EFCAB11: variants seen among roughly 807,000 people sequenced by gnomAD.
EFCAB11 encodes EF-hand calcium binding domain 11.
Under a neutral mutation model 23.0 loss-of-function variants are expected in EFCAB11, and 14 were observed. The observed-to-expected ratio is 0.61, with a 90% CI of 0.40 to 0.95. The LOEUF (loss-of-function observed/expected upper bound fraction) is 0.95, where lower values mean the gene tolerates loss of function less well. Ranked by LOEUF, EFCAB11 falls within the 40% of genes least tolerant of loss-of-function variation. The pLI is 0.00. For missense variants in EFCAB11, 198 were observed against 195.8 expected (o/e 1.01, Z -0.07); for synonymous variants, 65 against 66.6 (o/e 0.98, Z 0.11).
At chr14:89,896,307 G>A (rs1475894798) in intron 5 of EFCAB11, among the ~76,000 whole-genome samples, 1 of 152,138 alleles carries the variant, frequency 6.6e-6, no homozygotes, top group African/African-American at 2.4e-5. Context: ...GGAGAACGGC[G>A]TGAACCCGGG....
chr14:89,818,315 AAGACC>A (rs1356461788), intron 5 of EFCAB11, among the ~76,000 whole-genome samples: 1 of 152,188 alleles, frequency 6.6e-6, no homozygotes, highest in Non-Finnish European at 1.5e-5. Context: ...ACAAGTGAGA[AAGACC>A]AGAGTTGGCA....
At chr14:89,892,340 G>T (rs1447490002) in intron 5 of EFCAB11, 17 of 1,613,698 alleles carry the variant, frequency 1.1e-5, no homozygotes, top group Non-Finnish European at 1.4e-5. Context: ...GCAGCAGGGG[G>T]ACATCAAGCT....
At chr14:89,833,318 C>T (rs926731021) in intron 5 of EFCAB11, 1 of 152,202 alleles carries the variant, frequency 6.6e-6, no homozygotes, top group African/African-American at 2.4e-5. Flanking sequence ...CTGAGTAACA[C>T]AGTCTGAAGG....
chr14:89,812,926 A>G, intron 5 of EFCAB11, among the ~76,000 whole-genome samples: 1 of 152,232 alleles, frequency 6.6e-6, no homozygotes, highest in East Asian at 1.9e-4. Context: ...ATCTTTGCAC[A>G]TCAAAAATTA....
At chr14:89,920,112 T>C (rs1889975072) in intron 5 of EFCAB11, among the ~76,000 whole-genome samples, 2 of 152,370 alleles carry the variant, frequency 1.3e-5, no homozygotes, top group South Asian at 4.1e-4. Context: ...TTTGGTCTTG[T>C]GATATAATTC....
chr14:89,856,683 A>G (rs994601966), intron 5 of EFCAB11, among the ~76,000 whole-genome samples: 8 of 152,208 alleles, frequency 5.3e-5, no homozygotes, highest in Non-Finnish European at 1.2e-4. Flanking sequence ...CCTGATGATT[A>G]ATAATACTGG....
intron 5 of EFCAB11, among the ~76,000 whole-genome samples, chr14:89,838,661 G>C (rs1887161356): frequency 6.6e-6 from 1 of 152,178 alleles, no homozygotes. Context: ...AAATTGAGCA[G>C]ATTGGGAATA....
intron 5 of EFCAB11, among the ~76,000 whole-genome samples, chr14:89,867,058 C>T (rs1043734108): frequency 1.4e-4 from 21 of 152,260 alleles, no homozygotes; most frequent in Middle Eastern, 3.4e-3. Context: ...TGAGCCACTG[C>T]GCCTGGCCTG....
At chr14:89,877,948 G>GT (rs910188005) in intron 5 of EFCAB11, among the ~76,000 whole-genome samples, 27 of 152,292 alleles carry the variant, frequency 1.8e-4, no homozygotes, top group African/African-American at 5.3e-4. Flanking sequence ...GTAATGACAT[G>GT]TAAGTCCCAA....
At chr14:89,814,971 C>A (rs1458721807) in intron 5 of EFCAB11, among the ~76,000 whole-genome samples, 1 of 152,156 alleles carries the variant, frequency 6.6e-6, no homozygotes, top group Admixed American at 6.5e-5. Flanking sequence ...GCAAGCAGTA[C>A]CAAGAACAAG....
At chr14:89,838,056 C>T (rs535267423) in intron 5 of EFCAB11, among the ~76,000 whole-genome samples, 44 of 152,090 alleles carry the variant, frequency 2.9e-4, no homozygotes, top group Non-Finnish European at 5.3e-4. Flanking sequence ...ATTCATAGGC[C>T]TGGGGTTGAG....
chr14:89,908,393 A>G lies in EFCAB11; in HGVS notation c.410+23148T>C, dbSNP rs187331682. 3.2e-3 allele frequency among the ~76,000 whole-genome samples: 491 copies of G among 152,326 alleles called. 4 individuals are homozygous for G. Among genetic ancestry groups the G allele is most frequent in the African/African-American group, 9.7e-3 (404 of 41,572 alleles). On this transcript the variant is annotated intron_variant, in intron 5 of 5. Transcript: ENST00000316738. The stretch of plus-strand genomic sequence containing the variant: ...CTTGCCCTGGAAATCCAAACTCCGA[A>G]ATGCTCCAAAATCCGAAACTTTCTG...
intron 5 of EFCAB11, among the ~76,000 whole-genome samples, chr14:89,846,879 T>C (rs1445005295): frequency 6.6e-6 from 1 of 152,236 alleles, no homozygotes; most frequent in African/African-American, 2.4e-5. Flanking sequence ...AATCCAGTCA[T>C]AATTCTTCTA....
chr14:89,815,072 C>CAGTT (rs2140094621), intron 5 of EFCAB11, among the ~76,000 whole-genome samples: 1 of 152,232 alleles, frequency 6.6e-6, no homozygotes, highest in South Asian at 2.1e-4. Context: ...CTTTGGTGTG[C>CAGTT]AGTTAGCTTA....
intron 5 of EFCAB11, among the ~76,000 whole-genome samples, chr14:89,860,247 C>T (rs1596406671): frequency 1.3e-5 from 2 of 152,210 alleles, no homozygotes; most frequent in Middle Eastern, 3.4e-3. Context: ...ACCCATCATC[C>T]CTGTTACTCG....
intron 5 of EFCAB11, among the ~76,000 whole-genome samples, chr14:89,888,690 T>C (rs575911784): frequency 6.6e-6 from 1 of 152,198 alleles, no homozygotes; most frequent in South Asian, 2.1e-4. Flanking sequence ...CCAAACTATA[T>C]CAAGGACACA....
chr14:89,941,835 T>C (rs1419132186), intron 3 of EFCAB11, among the ~76,000 whole-genome samples: 1 of 151,922 alleles, frequency 6.6e-6, no homozygotes, highest in Non-Finnish European at 1.5e-5. Flanking sequence ...AGACCCTGTC[T>C]CAAAAATAAT....
chr14:89,826,663 C>T (rs1455557236), intron 5 of EFCAB11, among the ~76,000 whole-genome samples: 2 of 151,958 alleles, frequency 1.3e-5, no homozygotes, highest in African/African-American at 4.8e-5. Context: ...TGAGATTTGC[C>T]AGATATGACT....
chr14:89,888,715 T>C (rs1437739161), intron 5 of EFCAB11, among the ~76,000 whole-genome samples: 6 of 152,224 alleles, frequency 3.9e-5, no homozygotes, highest in Admixed American at 1.3e-4. Flanking sequence ...GAAGGTACCA[T>C]CTGTGAACCA....
Sources: allele counts gnomAD v4.1 joint callset (sites outside exome capture counted in the v4.1 genomes callset), GRCh38; gene constraint gnomAD v4.1.1; transcripts MANE v1.5; gene names NCBI Gene and HGNC (gene_info 2026-07-23, HGNC 2026-07-21).